Variants in NT5M observed in about 807,000 individuals in gnomAD.
NT5M encodes 5'(3')-deoxyribonucleotidase, mitochondrial.
NT5M carries 22 observed loss-of-function variants against 22.2 expected under a neutral mutation model. That is an observed-to-expected ratio of 0.99 (90% confidence interval 0.71 to 1.41). The LOEUF (loss-of-function observed/expected upper bound fraction) is 1.41, where lower values mean the gene tolerates loss of function less well. Ranked by LOEUF, NT5M falls within the 40% of genes most tolerant of loss-of-function variation. NT5M has a pLI of 0.00. For synonymous variants in NT5M, 167 were observed against 133.0 expected (o/e 1.26, Z -1.76); for missense variants, 322 against 314.8 (o/e 1.02, Z -0.17).
At chr17:17,337,601 T>TA (rs1158933548) in intron 3 of NT5M, among the ~76,000 whole-genome samples, 1 of 152,004 alleles carries the variant, frequency 6.6e-6, no homozygotes, top group Non-Finnish European at 1.5e-5. Flanking sequence ...GACGGGGTCT[T>TA]ACTATGTAGC....
At chr17:17,321,102 G>A (rs931265015) in intron 2 of NT5M, among the ~76,000 whole-genome samples, 3 of 152,046 alleles carry the variant, frequency 2.0e-5, no homozygotes, top group African/African-American at 7.2e-5. Context: ...TATATCTAAG[G>A]CGGGAGGTGC....
chr17:17,339,550 C>T (rs1481056104), intron 3 of NT5M, among the ~76,000 whole-genome samples: 10 of 152,160 alleles, frequency 6.6e-5, no homozygotes, highest in Admixed American at 2.6e-4. Flanking sequence ...GTCATGTTCC[C>T]GGTCTTAGAG....
chr17:17,340,742 G>T (rs933229190), intron 3 of NT5M, among the ~76,000 whole-genome samples: 1 of 152,008 alleles, frequency 6.6e-6, no homozygotes, highest in African/African-American at 2.4e-5. Context: ...GGCCAGGCTG[G>T]TCTTGATCTC....
chr17:17,314,530 C>T (rs1262266862), intron 2 of NT5M, among the ~76,000 whole-genome samples: 1 of 152,164 alleles, frequency 6.6e-6, no homozygotes, highest in African/African-American at 2.4e-5. Context: ...ATGCTCCACC[C>T]AGCAGTCAGA....
intron 2 of NT5M, among the ~76,000 whole-genome samples, chr17:17,314,288 G>C (rs2048978834): frequency 6.6e-6 from 1 of 152,108 alleles, no homozygotes; most frequent in Admixed American, 6.6e-5. Context: ...ACCCACCTCG[G>C]CTTCCCAAAG....
chr17:17,307,778 C>T (rs2048837646), intron 2 of NT5M, among the ~76,000 whole-genome samples: 1 of 152,150 alleles, frequency 6.6e-6, no homozygotes, highest in Non-Finnish European at 1.5e-5. Flanking sequence ...ATTGTTTGAA[C>T]CCAGGAGGCG....
intron 1 of NT5M, 64 bp from the exon 2 acceptor site, chr17:17,306,479 C>T (rs2048803477): frequency 8.7e-7 from 1 of 1,148,682 alleles, no homozygotes; most frequent in Non-Finnish European, 1.3e-6. Context: ...GGCCATACTC[C>T]CCAAGATGAG....
At chr17:17,318,615 G>C (rs940890606) in intron 2 of NT5M, among the ~76,000 whole-genome samples, 3 of 150,380 alleles carry the variant, frequency 2.0e-5, no homozygotes, top group African/African-American at 4.9e-5. Flanking sequence ...GAGAAACTCT[G>C]TCTCTACTAA....
intron 2 of NT5M, among the ~76,000 whole-genome samples, chr17:17,309,164 C>A (rs1390517998): frequency 6.8e-6 from 1 of 147,678 alleles, no homozygotes; most frequent in Non-Finnish European, 1.5e-5. Context: ...TGCCCTATCT[C>A]AAAAAGGCTG....
At chr17:17,338,689 T>G (rs1376663978) in intron 3 of NT5M, among the ~76,000 whole-genome samples, 3 of 148,120 alleles carry the variant, frequency 2.0e-5, no homozygotes, top group South Asian at 2.1e-4. Flanking sequence ...TTTTTTTTTT[T>G]TTTTTTTTTT....
At chr17:17,328,397 G>A (rs2049305923) in intron 3 of NT5M, among the ~76,000 whole-genome samples, 1 of 151,380 alleles carries the variant, frequency 6.6e-6, no homozygotes, top group African/African-American at 2.5e-5. Flanking sequence ...AGAAGTGCGG[G>A]TGAGAAGTGA....
intron 2 of NT5M, among the ~76,000 whole-genome samples, chr17:17,320,730 G>T (rs2049133788): frequency 6.6e-6 from 1 of 152,188 alleles, no homozygotes; most frequent in South Asian, 2.1e-4. Context: ...CGAGGGCCTA[G>T]ACCCAACCTG....
intron 3 of NT5M, among the ~76,000 whole-genome samples, chr17:17,324,369 A>T (rs989558262): frequency 6.6e-6 from 1 of 151,554 alleles, no homozygotes; most frequent in African/African-American, 2.4e-5. Context: ...CTGTAGTCCC[A>T]GCTACTTGGG....
intron 2 of NT5M, among the ~76,000 whole-genome samples, chr17:17,309,455 G>A (rs977812365): frequency 4.6e-5 from 7 of 152,100 alleles, no homozygotes; most frequent in Admixed American, 3.9e-4. Flanking sequence ...TTAGGCCATA[G>A]GATAATTCTG....
intron 3 of NT5M, among the ~76,000 whole-genome samples, chr17:17,327,447 G>A (rs1253242527): frequency 1.0e-5 from 1 of 99,944 alleles, no homozygotes; most frequent in Non-Finnish European, 2.1e-5. Flanking sequence ...GAGTTTAAGT[G>A]ATTCTCATGC....
chr17:17,304,233 C>T (rs2048743393), intron 1 of NT5M: 2 of 238,946 alleles, frequency 8.4e-6, no homozygotes, highest in South Asian at 1.5e-4. Context: ...ATCTTTTTTA[C>T]TGTTGTCCAT....
At chr17:17,334,396 G>A (rs1458071921) in intron 3 of NT5M, among the ~76,000 whole-genome samples, 1 of 151,684 alleles carries the variant, frequency 6.6e-6, no homozygotes, top group Non-Finnish European at 1.5e-5. Context: ...TGGTAGCCTG[G>A]GGTCCATTTC....
intron 3 of NT5M, among the ~76,000 whole-genome samples, chr17:17,323,867 C>T (rs138553673): frequency 0.011 from 1,603 of 152,178 alleles, 27 homozygotes; most frequent in African/African-American, 0.036. Context: ...ATGACCTTTC[C>T]GCTCTGGATT....
intron 2 of NT5M, among the ~76,000 whole-genome samples, chr17:17,318,681 A>C (rs1006536842): frequency 5.5e-5 from 8 of 146,696 alleles, no homozygotes; most frequent in African/African-American, 2.0e-4. Flanking sequence ...GCTCCTCGGA[A>C]GGCTGAGGCA....
Sources: allele counts gnomAD v4.1 joint callset (sites outside exome capture counted in the v4.1 genomes callset), GRCh38; gene constraint gnomAD v4.1.1; transcripts MANE v1.5; gene names NCBI Gene and HGNC (gene_info 2026-07-23, HGNC 2026-07-21).